Variants in LINGO1 observed in about 807,000 individuals in gnomAD.
The protein encoded by LINGO1 is leucine-rich repeat and immunoglobulin-like domain-containing nogo receptor-interacting protein 1.
LINGO1 carries 11 observed loss-of-function variants against 37.3 expected under a neutral mutation model. The observed-to-expected ratio is 0.29, with a 90% confidence interval of 0.19 to 0.49. The LOEUF is 0.49. Among genes scored for constraint, LINGO1 ranks in the 20% least tolerant of loss-of-function variants. LINGO1 has a pLI of 0.99. For missense variants in LINGO1, 585 were observed against 878.2 expected (o/e 0.67, Z 4.22); for synonymous variants, 387 against 403.0 (o/e 0.96, Z 0.48).
Position 77,623,534 on chromosome 15 carries a change from G to A in LINGO1, c.7-7634C>T, listed in dbSNP as rs144028751. ...TTGGGGGGCTGCCTCCTGGCCCATGGGGAGGTGGTGAGGCAACCCTGAGAG... is the reference window on the plus strand; with the variant it reads ...TTGGGGGGCTGCCTCCTGGCCCATGAGGAGGTGGTGAGGCAACCCTGAGAG... On this transcript the variant is annotated intron_variant, in intron 1 of 1. Transcript: ENST00000355300. Among the ~76,000 whole-genome samples the A allele has an allele frequency of 6.0e-3, 913 of 152,330 alleles. 6 individuals carry two copies. Among genetic ancestry groups the A allele is most frequent in the African/African-American group, 0.021 (855 of 41,560 alleles).
At chr15:77,784,365 C>T (rs182359743) in intron 1 of LINGO1, among the ~76,000 whole-genome samples, 287 of 152,374 alleles carry the variant, frequency 1.9e-3, no homozygotes, top group Non-Finnish European at 3.3e-3. Context: ...AAGGTTGTCA[C>T]TGAAGGCCAA....
At chr15:77,654,973 T>C (rs1452938708) in intron 3 of LINGO1, among the ~76,000 whole-genome samples, 3 of 152,128 alleles carry the variant, frequency 2.0e-5, no homozygotes. Flanking sequence ...GCCAGACTTC[T>C]CTCCTGTTTT....
intron 1 of LINGO1, among the ~76,000 whole-genome samples, chr15:77,619,878 C>G (rs535552944): frequency 6.6e-6 from 1 of 152,320 alleles, no homozygotes; most frequent in East Asian, 1.9e-4. Context: ...TGTACGGGCT[C>G]TGAGATGCCT....
intron 3 of LINGO1, among the ~76,000 whole-genome samples, chr15:77,639,497 G>A (rs1399649823): frequency 6.6e-6 from 1 of 151,882 alleles, no homozygotes; most frequent in Non-Finnish European, 1.5e-5. Flanking sequence ...AGTTCCCCGA[G>A]GCATGAGCAC....
chr15:77,770,968 G>A (rs533668518), intron 1 of LINGO1, among the ~76,000 whole-genome samples: 40 of 152,328 alleles, frequency 2.6e-4, no homozygotes, highest in African/African-American at 8.7e-4. Flanking sequence ...GACCCTTCTC[G>A]GGGCTCAAAT....
intron 1 of LINGO1, among the ~76,000 whole-genome samples, chr15:77,630,169 T>C (rs142151077): frequency 2.6e-5 from 4 of 152,056 alleles, no homozygotes; most frequent in African/African-American, 9.6e-5. Context: ...CCACACCTAC[T>C]ACCCACCGCC....
intron 1 of LINGO1, among the ~76,000 whole-genome samples, chr15:77,802,160 C>G (rs1282194923): frequency 6.6e-6 from 1 of 152,040 alleles, no homozygotes; most frequent in Non-Finnish European, 1.5e-5. Flanking sequence ...GTGACTGGGG[C>G]ATGCAGGTAT....
rs777405695 is a variant in LINGO1 at position 77,646,448 on chromosome 15, G to A, written c.-12-30548C>T. The A allele has an allele frequency of 2.1e-4, 95 of 455,768 alleles. 1 individual carries two copies. Among genetic ancestry groups the A allele is most frequent in the South Asian group, 1.5e-3 (95 of 64,338 alleles). The allele number at this position is 455,768 out of a possible 1,614,324, so 28.2% of individuals were successfully genotyped here. On this transcript the variant is annotated intron_variant, in intron 3 of 3. Transcript: ENST00000559893. Reference sequence around the variant, plus strand: ...GGGCAGGGAAGGCGAGAAGAGGGAGGAGACACTGGTGTGACTCATAGCAAA... The same window carrying A: ...GGGCAGGGAAGGCGAGAAGAGGGAGAAGACACTGGTGTGACTCATAGCAAA...
chr15:77,777,124 C>T (rs2076664111), intron 1 of LINGO1, among the ~76,000 whole-genome samples: 3 of 152,210 alleles, frequency 2.0e-5, no homozygotes, highest in African/African-American at 7.2e-5. Context: ...GCTGGGCCTG[C>T]CACATGGAAG....
At chr15:77,732,994 C>T (rs1026040843) in intron 2 of LINGO1, among the ~76,000 whole-genome samples, 36 of 152,238 alleles carry the variant, frequency 2.4e-4, no homozygotes, top group Non-Finnish European at 1.3e-4. Context: ...CCCTTCCCAG[C>T]TCTCCCCTGA....
intron 1 of LINGO1, among the ~76,000 whole-genome samples, chr15:77,762,567 C>A (rs2076488389): frequency 6.6e-6 from 1 of 152,168 alleles, no homozygotes; most frequent in Admixed American, 6.5e-5. Context: ...CCCCTAAATT[C>A]CTGGGCTTCA....
chr15:77,752,708 A>C (rs777830077), intron 1 of LINGO1, among the ~76,000 whole-genome samples: 2 of 152,164 alleles, frequency 1.3e-5, no homozygotes, highest in Admixed American at 6.5e-5. Flanking sequence ...AGGCTGTAGC[A>C]CTGTAGAGGG....
intron 2 of LINGO1, among the ~76,000 whole-genome samples, chr15:77,732,813 A>G (rs1340278543): frequency 6.6e-6 from 1 of 152,248 alleles, no homozygotes; most frequent in East Asian, 1.9e-4. Context: ...CATGCCCCCC[A>G]GCACGCATGT....
chr15:77,781,065 G>A (rs2076712135), intron 1 of LINGO1, among the ~76,000 whole-genome samples: 1 of 152,240 alleles, frequency 6.6e-6, no homozygotes, highest in African/African-American at 2.4e-5. Flanking sequence ...CGCAGACCTG[G>A]CCAAGGCCCA....
At chr15:77,678,461 A>G (rs1050823988) in intron 2 of LINGO1, among the ~76,000 whole-genome samples, 1 of 152,220 alleles carries the variant, frequency 6.6e-6, no homozygotes, top group African/African-American at 2.4e-5. Flanking sequence ...TCGTTCACCC[A>G]GCATAATGCA....
intron 3 of LINGO1, among the ~76,000 whole-genome samples, chr15:77,665,635 A>T (rs1431720088): frequency 6.6e-6 from 1 of 152,192 alleles, no homozygotes; most frequent in Non-Finnish European, 1.5e-5. Flanking sequence ...TCCCCTCCAC[A>T]GCTAGCTGGC....
At chr15:77,810,743 C>G (rs535188123) in intron 1 of LINGO1, among the ~76,000 whole-genome samples, 2 of 152,310 alleles carry the variant, frequency 1.3e-5, no homozygotes, top group East Asian at 3.9e-4. Context: ...TGGGACCCCT[C>G]AGGGAGTCCA....
chr15:77,805,334 T>C (rs1390696361), intron 1 of LINGO1, among the ~76,000 whole-genome samples: 2 of 152,180 alleles, frequency 1.3e-5, no homozygotes, highest in Admixed American at 1.3e-4. Flanking sequence ...GGGTGCACCA[T>C]ATGACAGAAC....
intron 1 of LINGO1, among the ~76,000 whole-genome samples, chr15:77,739,929 C>T (rs2141346682): frequency 6.6e-6 from 1 of 152,374 alleles, no homozygotes; most frequent in Admixed American, 6.5e-5. Flanking sequence ...GGCTCTGTGC[C>T]CTGCATGCAT....
Sources: gnomAD v4.1 joint callset for allele counts (sites outside exome capture counted in the v4.1 genomes callset) on GRCh38, gnomAD v4.1.1 for gene constraint, MANE v1.5 for transcripts, NCBI Gene and HGNC (gene_info 2026-07-23, HGNC 2026-07-21) for gene names.